The following ROBO2 variants were observed in gnomAD, a reference collection of about 807,000 sequenced individuals.
The protein encoded by ROBO2 is roundabout guidance receptor 2.
ROBO2 carries 53 observed loss-of-function variants against 160.8 expected under a neutral mutation model. The ratio of observed to expected loss-of-function variants is 0.33; its 90% CI spans 0.26 to 0.41. The LOEUF (loss-of-function observed/expected upper bound fraction) is 0.41, where lower values mean the gene tolerates loss of function less well. Among genes scored for constraint, ROBO2 ranks in the 10% least tolerant of loss-of-function variants. The pLI is 1.00. For synonymous variants in ROBO2, 664 were observed against 611.7 expected (o/e 1.09, Z -1.26); for missense variants, 1,577 against 1,722.4 (o/e 0.92, Z 1.49).
chr3:76,703,923 T>G (rs2608139), intron 2 of ROBO2, among the ~76,000 whole-genome samples: 58,722 of 151,922 alleles, frequency 0.39, 12,093 homozygotes, highest in Non-Finnish European at 0.47. Context: ...ACTAGAAATG[T>G]TGAGAATTAA....
intron 2 of ROBO2, among the ~76,000 whole-genome samples, chr3:76,115,070 A>T (rs747158084): frequency 9.2e-4 from 140 of 152,120 alleles, no homozygotes; most frequent in Non-Finnish European, 1.7e-3. Flanking sequence ...TTTAAACAAG[A>T]TCTTTAACAG....
chr3:77,579,154 A>G (rs1187876558), intron 15 of ROBO2, among the ~76,000 whole-genome samples: 1 of 152,148 alleles, frequency 6.6e-6, no homozygotes, highest in African/African-American at 2.4e-5. Flanking sequence ...TATGAATACA[A>G]ATGTGGATAC....
intron 2 of ROBO2, among the ~76,000 whole-genome samples, chr3:75,976,293 A>C (rs556827826): frequency 6.6e-6 from 1 of 151,774 alleles, no homozygotes; most frequent in African/African-American, 2.4e-5. Context: ...CACACTGGAG[A>C]TCACTCAAAT....
chr3:77,178,931 T>C (rs2150818925), intron 2 of ROBO2, among the ~76,000 whole-genome samples: 1 of 152,190 alleles, frequency 6.6e-6, no homozygotes, highest in South Asian at 2.1e-4. Context: ...GGCAGTTGAA[T>C]ACTGATATGA....
At chr3:75,946,959 C>G (rs992914816) in intron 2 of ROBO2, among the ~76,000 whole-genome samples, 1 of 152,036 alleles carries the variant, frequency 6.6e-6, no homozygotes, top group African/African-American at 2.4e-5. Flanking sequence ...CTGACTATTG[C>G]ACCTGTCCAG....
chr3:77,202,810 G>A (rs2083040800), intron 2 of ROBO2, among the ~76,000 whole-genome samples: 1 of 152,032 alleles, frequency 6.6e-6, no homozygotes, highest in Non-Finnish European at 1.5e-5. Flanking sequence ...GGTGATGGTA[G>A]CAGCTTCATG....
At chr3:76,177,559 T>C (rs2073275695) in intron 2 of ROBO2, among the ~76,000 whole-genome samples, 1 of 152,188 alleles carries the variant, frequency 6.6e-6, no homozygotes, top group Admixed American at 6.5e-5. Context: ...CTGGGTCATC[T>C]GGTGGGATTT....
intron 2 of ROBO2, among the ~76,000 whole-genome samples, chr3:76,756,423 C>T (rs1407165325): frequency 6.6e-6 from 1 of 151,786 alleles, no homozygotes; most frequent in Non-Finnish European, 1.5e-5. Flanking sequence ...ATTCTTGTAA[C>T]TCCAGACATT....
chr3:76,637,467 C>T (rs2090404962), intron 2 of ROBO2, among the ~76,000 whole-genome samples: 1 of 151,814 alleles, frequency 6.6e-6, no homozygotes, highest in South Asian at 2.1e-4. Flanking sequence ...AAAACACCTT[C>T]TTATATCCCA....
chr3:77,618,740 G>T (rs1050827785), intron 22 of ROBO2, among the ~76,000 whole-genome samples: 5 of 152,086 alleles, frequency 3.3e-5, no homozygotes, highest in African/African-American at 1.2e-4. Flanking sequence ...AAAAGGAAGA[G>T]TATTACTTAA....
At chr3:75,950,234 A>G (rs1195744166) in intron 2 of ROBO2, among the ~76,000 whole-genome samples, 1 of 152,122 alleles carries the variant, frequency 6.6e-6, no homozygotes, top group Non-Finnish European at 1.5e-5. Flanking sequence ...TCAATAAAAT[A>G]TTAAAGGTCA....
At chr3:76,911,125 A>C (rs1161107080) in intron 2 of ROBO2, among the ~76,000 whole-genome samples, 1 of 152,210 alleles carries the variant, frequency 6.6e-6, no homozygotes, top group Non-Finnish European at 1.5e-5. Context: ...GAAATGAAAA[A>C]GTATGGTACT....
At chr3:77,184,654 T>C (rs747175496) in intron 2 of ROBO2, among the ~76,000 whole-genome samples, 11 of 152,010 alleles carry the variant, frequency 7.2e-5, no homozygotes, top group Middle Eastern at 3.2e-3. Context: ...TAAGAAAATA[T>C]ATGTATTTTC....
intron 2 of ROBO2, among the ~76,000 whole-genome samples, chr3:77,439,457 A>G (rs1344687551): frequency 6.6e-6 from 1 of 151,964 alleles, no homozygotes; most frequent in Non-Finnish European, 1.5e-5. Flanking sequence ...TATGATATGA[A>G]TTAGAAATTA....
In ROBO2 at chr3:76,720,021, CA is replaced by C. The variant is rs544962425; in HGVS notation, c.110-377990del. Among the ~76,000 whole-genome samples, 7 of 152,146 alleles carry C rather than the reference CA, an allele frequency of 4.6e-5. No homozygotes were observed. The South Asian group carries it at 1.5e-3, about 32-fold the overall frequency. Reference sequence around the variant, plus strand: ...TATGGACTAAATATTTGGGTCCTCCCAAATATTCTTATGTTGAAATTCTAAC... The same window carrying C: ...TATGGACTAAATATTTGGGTCCTCCCAATATTCTTATGTTGAAATTCTAAC... On this transcript the variant is annotated intron_variant, in intron 2 of 26. Transcript: ENST00000487694.
chr3:75,932,247 C>A (rs1947576440), intron 1 of ROBO2, among the ~76,000 whole-genome samples: 1 of 152,094 alleles, frequency 6.6e-6, no homozygotes, highest in African/African-American at 2.4e-5. Context: ...ACTACTAAAT[C>A]TGAGGAGTTT....
chr3:77,372,288 T>C (rs1424665528), intron 2 of ROBO2, among the ~76,000 whole-genome samples: 2 of 152,138 alleles, frequency 1.3e-5, no homozygotes, highest in Non-Finnish European at 2.9e-5. Context: ...GAAGAGGATA[T>C]TAAACGGAAA....
intron 4 of ROBO2, among the ~76,000 whole-genome samples, chr3:77,491,684 G>A (rs905276542): frequency 6.6e-6 from 1 of 152,162 alleles, no homozygotes; most frequent in Admixed American, 6.6e-5. Flanking sequence ...ATCTTTAGAT[G>A]CAACCGTGTT....
At chr3:76,296,200 G>A (rs1490465518) in intron 2 of ROBO2, among the ~76,000 whole-genome samples, 1 of 152,036 alleles carries the variant, frequency 6.6e-6, no homozygotes, top group Non-Finnish European at 1.5e-5. Flanking sequence ...AGCCAAGGAA[G>A]CCAAGCAACG....
Sources: allele counts gnomAD v4.1 joint callset (sites outside exome capture counted in the v4.1 genomes callset), GRCh38; gene constraint gnomAD v4.1.1; transcripts MANE v1.5; gene names NCBI Gene and HGNC (gene_info 2026-07-23, HGNC 2026-07-21).